The following CELF1 variants were observed in gnomAD, a reference collection of about 807,000 sequenced individuals.
The protein encoded by CELF1 is 50 kDa nuclear polyadenylated RNA-binding protein.
CELF1 carries 10 observed loss-of-function variants against 61.8 expected under a neutral mutation model. The observed-to-expected ratio is 0.16, with a 90% confidence interval of 0.10 to 0.27. The LOEUF is 0.27. Among genes scored for constraint, CELF1 ranks in the 10% least tolerant of loss-of-function variants. The pLI, the probability that CELF1 is intolerant of heterozygous loss-of-function variation, is 1.00. For synonymous variants in CELF1, 236 were observed against 225.1 expected, an observed-to-expected ratio of 1.05 and a Z score of -0.43; for missense variants, 380 against 639.1, an observed-to-expected ratio of 0.59 and a Z score of 4.37.
At chr11:47,545,911 ATATATT>A (rs1401947972) in intron 1 of CELF1, among the ~76,000 whole-genome samples, 19 of 120,438 alleles carry the variant, frequency 1.6e-4, no homozygotes, top group African/African-American at 6.6e-4. Flanking sequence ...GTGTGTATAT[ATATATT>A]TTTTTTTTTT....
At chr11:47,540,394 C>A (rs990652384) in intron 1 of CELF1, among the ~76,000 whole-genome samples, 3 of 152,182 alleles carry the variant, frequency 2.0e-5, no homozygotes, top group Non-Finnish European at 4.4e-5. Flanking sequence ...ACCACATAAA[C>A]AGCTTCCAGT....
chr11:47,527,165 A>C (rs963608860), intron 1 of CELF1, among the ~76,000 whole-genome samples: 2 of 152,260 alleles, frequency 1.3e-5, no homozygotes, highest in Middle Eastern at 3.4e-3. Context: ...ACAGACATGC[A>C]AGTATTCAAC....
intron 1 of CELF1, among the ~76,000 whole-genome samples, chr11:47,547,696 G>GAAAAAAAA (rs2097009389): frequency 6.8e-6 from 1 of 146,708 alleles, no homozygotes. Context: ...AAAAAAAAAG[G>GAAAAAAAA]AAATTAGGTC....
intron 2 of CELF1, among the ~76,000 whole-genome samples, chr11:47,558,571 A>AATGTG: frequency 1.7e-5 from 2 of 114,470 alleles, no homozygotes; most frequent in African/African-American, 7.4e-5. Flanking sequence ...TATATAATAT[A>AATGTG]TAAATATATA....
At chr11:47,476,796 T>C (rs750634551) in intron 12 of CELF1, 50 bp downstream of exon 12, 1 of 1,412,686 alleles carries the variant, frequency 7.1e-7, no homozygotes, top group Non-Finnish European at 1.0e-6. Context: ...GGTTAAGATG[T>C]GCTACCTGCA....
chr11:47,556,038 G>A (rs1026256258), upstream of CELF1, among the ~76,000 whole-genome samples: 38 of 151,266 alleles, frequency 2.5e-4, no homozygotes, highest in African/African-American at 8.5e-4. Context: ...TAGTAAGAGT[G>A]CAGAGAAATA....
intron 1 of CELF1, among the ~76,000 whole-genome samples, chr11:47,552,447 GT>G (rs2097162700): frequency 1.3e-5 from 2 of 152,264 alleles, no homozygotes; most frequent in Admixed American, 1.3e-4. Context: ...AGCACCTGAT[GT>G]GGGGGGAGGG....
At chr11:47,483,605 G>A in intron 7 of CELF1, 73 bp from the exon 8 acceptor site, 1 of 1,103,212 alleles carries the variant, frequency 9.1e-7, no homozygotes, top group East Asian at 2.4e-5. Flanking sequence ...CACCTACTAT[G>A]TGCTGACTAT....
In CELF1 at chr11:47,470,802, T is replaced by C. The variant is rs1003619769; in HGVS notation, c.*1428A>G. 4 of 152,232 alleles carry C rather than the reference T, an allele frequency of 2.6e-5. No individual in the cohort carries two copies. The highest frequency in any genetic ancestry group is 2.6e-4 in the Admixed American group (4 of 15,282). The allele number at this position is 152,232 out of a possible 1,614,324, so 9.4% of individuals were successfully genotyped here. On this transcript the variant is annotated 3_prime_UTR_variant, in exon 15 of 15. Coordinates refer to ENST00000687097, the MANE Select transcript of CELF1 (RefSeq NM_001376376.1). ...GGTGTACATTCCCAACAGCATGTCC[T>C]TCCTGGTTCTCTACCCCCACAGCAC...
chr11:47,518,226 C>T (rs1294633825), intron 1 of CELF1, among the ~76,000 whole-genome samples: 1 of 152,192 alleles, frequency 6.6e-6, no homozygotes, highest in Non-Finnish European at 1.5e-5. Context: ...ATAATTACAT[C>T]ACACCATTTT....
At chr11:47,481,012 C>T (rs1165885465) in intron 9 of CELF1, among the ~76,000 whole-genome samples, 3 of 142,916 alleles carry the variant, frequency 2.1e-5, no homozygotes, top group Non-Finnish European at 4.6e-5. Flanking sequence ...CAAAACAAAA[C>T]AAAACAACCC....
Position 47,471,290 on chromosome 11 carries a change from C to G in CELF1, c.*940G>C, listed in dbSNP as rs552203247. ...ATTTGCCTTCATGAGAAAATGGTGG[C>G]TTGGGATGGAGGTGACATTCCTTGC... On this transcript the variant is annotated 3_prime_UTR_variant, in exon 15 of 15. Coordinates refer to ENST00000687097, the MANE Select transcript of CELF1 (RefSeq NM_001376376.1). The G allele has an allele frequency of 3.3e-5, 5 of 152,336 alleles. No individual in the cohort carries two copies. In the East Asian group the frequency reaches 9.6e-4, roughly 29 times the overall value. 9.4% of individuals were successfully genotyped at this position (152,336 alleles called of 1,614,324 possible).
chr11:47,523,336 A>C (rs2096054183), intron 1 of CELF1: 1 of 152,234 alleles, frequency 6.6e-6, no homozygotes, highest in South Asian at 2.1e-4. Context: ...TTCATAGTAT[A>C]AATGGGAAAA....
At chr11:47,527,459 T>G (rs1181284332) in intron 1 of CELF1, among the ~76,000 whole-genome samples, 1 of 152,110 alleles carries the variant, frequency 6.6e-6, no homozygotes, top group Non-Finnish European at 1.5e-5. Context: ...ATGCAGTGTT[T>G]CACCCCTGTA....
At chr11:47,546,896 T>C (rs1479721187) in intron 1 of CELF1, among the ~76,000 whole-genome samples, 1 of 151,162 alleles carries the variant, frequency 6.6e-6, no homozygotes, top group African/African-American at 2.4e-5. Context: ...GAAACCTCCG[T>C]CTCTACTAAA....
At chr11:47,523,147 A>G (rs995795599) in intron 1 of CELF1, 1 of 152,200 alleles carries the variant, frequency 6.6e-6, no homozygotes, top group African/African-American at 2.4e-5. Context: ...CTGGAAAAAT[A>G]TAAACTAATA....
intron 3 of CELF1, among the ~76,000 whole-genome samples, chr11:47,491,471 T>C (rs1464466325): frequency 2.0e-5 from 3 of 152,196 alleles, no homozygotes; most frequent in African/African-American, 7.2e-5. Context: ...GAATCTTTTA[T>C]AATTCAACAC....
At chr11:47,562,858 T>G (rs1164964047) in intron 2 of CELF1, among the ~76,000 whole-genome samples, 2 of 151,884 alleles carry the variant, frequency 1.3e-5, no homozygotes, top group Admixed American at 1.3e-4. Flanking sequence ...GCGCCCACTA[T>G]TATACCTGGC....
intron 14 of CELF1, among the ~76,000 whole-genome samples, chr11:47,472,586 G>C (rs905065652): frequency 6.6e-6 from 1 of 152,158 alleles, no homozygotes; most frequent in Non-Finnish European, 1.5e-5. Flanking sequence ...ACAGGGTCTT[G>C]CTCTGTCACC....
Sources: allele counts gnomAD v4.1 joint callset (sites outside exome capture counted in the v4.1 genomes callset), GRCh38; gene constraint gnomAD v4.1.1; transcripts MANE v1.5; gene names NCBI Gene and HGNC (gene_info 2026-07-23, HGNC 2026-07-21).